Variants in DPH6 observed in about 807,000 individuals in gnomAD.
DPH6 encodes diphthamine biosynthesis 6.
In DPH6, 33 loss-of-function variants were observed where a neutral mutation model predicts 38.2. That is an observed-to-expected ratio of 0.86 (90% CI 0.65 to 1.15). The LOEUF is 1.15. DPH6 is among the 50% of genes most tolerant of loss of function. The probability of loss-of-function intolerance (pLI) is 0.00; values close to 1 mark genes in which losing one functional copy is unlikely to be tolerated. For missense variants in DPH6, 325 were observed against 320.0 expected (o/e 1.02, Z -0.12); for synonymous variants, 108 against 103.0 (o/e 1.05, Z -0.30).
intron 6 of DPH6, among the ~76,000 whole-genome samples, 197 bp from the exon 7 acceptor site, chr15:35,382,113 C>A (rs1433461217): frequency 1.3e-5 from 2 of 152,058 alleles, no homozygotes; most frequent in African/African-American, 4.8e-5. Context: ...GCATAGGATC[C>A]CCAAGAATGC....
chr15:35,182,404 G>A, the DPH6 span, among the ~76,000 whole-genome samples: 8 of 151,792 alleles, frequency 5.3e-5, no homozygotes, highest in African/African-American at 1.9e-4. Flanking sequence ...AACTGGGATA[G>A]GTTTGTGAGC....
chr15:35,476,114 T>C (rs916798774), intron 3 of DPH6, among the ~76,000 whole-genome samples: 5 of 151,858 alleles, frequency 3.3e-5, no homozygotes, highest in African/African-American at 1.2e-4. Flanking sequence ...AAACCATTTG[T>C]TGATCTATAC....
chr15:35,344,216 C>G (rs892846221), intron 3 of DPH6, among the ~76,000 whole-genome samples: 24 of 151,968 alleles, frequency 1.6e-4, no homozygotes, highest in African/African-American at 5.8e-4. Flanking sequence ...GCAGGACATA[C>G]ATTAAGTTCA....
At chr15:35,267,849 A>T (rs2051792784) in intron 3 of DPH6, among the ~76,000 whole-genome samples, 1 of 152,056 alleles carries the variant, frequency 6.6e-6, no homozygotes. Flanking sequence ...AGCAAAGCAA[A>T]ACTGTTTGAA....
intron 2 of DPH6, among the ~76,000 whole-genome samples, chr15:35,539,404 G>A (rs762468214): frequency 3.3e-5 from 5 of 151,868 alleles, no homozygotes; most frequent in East Asian, 3.9e-4. Context: ...AATAGGTATC[G>A]GATGATAAAA....
chr15:35,298,876 G>T, intron 3 of DPH6: 5 of 973,774 alleles, frequency 5.1e-6, no homozygotes, highest in Non-Finnish European at 3.3e-6. Context: ...CTCTTCATAA[G>T]GAAAATCTCG....
intron 3 of DPH6, among the ~76,000 whole-genome samples, chr15:35,270,012 TCGA>T: frequency 6.8e-6 from 1 of 148,112 alleles, no homozygotes; most frequent in African/African-American, 2.5e-5. Flanking sequence ...CAGGATGGTC[TCGA>T]TCTCCGATCT....
At chr15:35,353,539 C>T (rs948275660) in intron 3 of DPH6, among the ~76,000 whole-genome samples, 103 of 152,256 alleles carry the variant, frequency 6.8e-4, no homozygotes, top group African/African-American at 2.3e-3. Context: ...AATAGGGAAT[C>T]CTTTCCCCAT....
At chr15:35,180,988 C>T in the DPH6 span, among the ~76,000 whole-genome samples, 6,223 of 152,188 alleles carry the variant, frequency 0.041, 134 homozygotes, top group Middle Eastern at 0.051. Flanking sequence ...ATGAATGTAG[C>T]TGTGTTGACA....
Position 35,489,887 on chromosome 15 carries a change from A to G in DPH6, c.313-35067T>C. ...TTATACATTTTTTAATGTTTTATAC[A>G]TTTTTCTGTACTAAAAATCTATAAT... On this transcript the variant is annotated intron_variant, in intron 3 of 8. Coordinates refer to ENST00000256538, the MANE Select transcript of DPH6 (RefSeq NM_080650.4). The G allele has an allele frequency of 3.1e-6, 3 of 966,406 alleles. No individual in the cohort carries two copies. In the South Asian group the frequency reaches 1.4e-4, roughly 46 times the overall value. 59.9% of individuals were successfully genotyped at this position (966,406 alleles called of 1,614,324 possible).
intron 3 of DPH6, among the ~76,000 whole-genome samples, chr15:35,505,355 T>A (rs906982603): frequency 1.3e-5 from 2 of 151,754 alleles, no homozygotes; most frequent in Admixed American, 6.6e-5. Flanking sequence ...AAAAAAAAAA[T>A]ACACACTTTA....
intron 3 of DPH6, among the ~76,000 whole-genome samples, chr15:35,243,349 C>A (rs1418670776): frequency 2.1e-5 from 3 of 142,262 alleles, no homozygotes; most frequent in Admixed American, 7.7e-5. Flanking sequence ...TTCGCCGCCC[C>A]AACACTTCAA....
intron 3 of DPH6, among the ~76,000 whole-genome samples, chr15:35,246,793 C>G (rs1464526940): frequency 6.6e-6 from 1 of 152,106 alleles, no homozygotes; most frequent in African/African-American, 2.4e-5. Context: ...GAGGTGATAA[C>G]AAGGAGAAAA....
chr15:35,243,542 T>C (rs1282660016), intron 3 of DPH6, among the ~76,000 whole-genome samples: 1 of 146,216 alleles, frequency 6.8e-6, no homozygotes, highest in Non-Finnish European at 1.5e-5. Flanking sequence ...CATTCCACCA[T>C]TGTGATGTGT....
chr15:35,372,466 TTGTG>T (rs2052726109), intron 8 of DPH6: 1 of 267,964 alleles, frequency 3.7e-6, no homozygotes, highest in Non-Finnish European at 7.0e-6. Flanking sequence ...GCTTTTGACT[TTGTG>T]TGTGCGTACA....
chr15:35,297,641 T>G (rs2052024100), intron 3 of DPH6, among the ~76,000 whole-genome samples: 3 of 152,126 alleles, frequency 2.0e-5, no homozygotes, highest in Admixed American at 2.0e-4. Context: ...GTGACTTTAC[T>G]CAGTTCCTAG....
chr15:35,167,981 A>C, the DPH6 span, among the ~76,000 whole-genome samples: 1 of 152,006 alleles, frequency 6.6e-6, no homozygotes, highest in Non-Finnish European at 1.5e-5. Context: ...GATCTAGTCT[A>C]ATTCTGTTGC....
At chr15:35,444,585 C>T (rs2053826721) in intron 5 of DPH6, among the ~76,000 whole-genome samples, 1 of 152,166 alleles carries the variant, frequency 6.6e-6, no homozygotes, top group Non-Finnish European at 1.5e-5. Flanking sequence ...GAACTGCTGG[C>T]AATGAATCTT....
chr15:35,274,549 G>GA (rs60282507), intron 3 of DPH6, among the ~76,000 whole-genome samples: 4,029 of 146,674 alleles, frequency 0.027, 169 homozygotes, highest in African/African-American at 0.094. Context: ...AAATTTACAA[G>GA]AAAAAAAAAA....
Sources: allele counts gnomAD v4.1 joint callset (sites outside exome capture counted in the v4.1 genomes callset), GRCh38; gene constraint gnomAD v4.1.1; transcripts MANE v1.5; gene names NCBI Gene and HGNC (gene_info 2026-07-23, HGNC 2026-07-21).